TTC3: variants seen among roughly 807,000 people sequenced by gnomAD.
TTC3 encodes tetratricopeptide repeat domain 3.
A neutral mutation model predicts 249.6 loss-of-function variants in TTC3; 180 were observed. The observed-to-expected ratio is 0.72, with a 90% CI of 0.64 to 0.82. The LOEUF (loss-of-function observed/expected upper bound fraction) is 0.82. Among genes scored for constraint, TTC3 ranks in the 40% least tolerant of loss-of-function variants. The pLI, the probability that TTC3 is intolerant of heterozygous loss-of-function variation, is 0.00. For synonymous variants in TTC3, 717 were observed against 805.0 expected (o/e 0.89, Z 1.85); for missense variants, 2,061 against 2,398.4 (o/e 0.86, Z 2.94).
At position 37,091,327 on chromosome 21, in the gene TTC3, T is replaced by C. The variant is rs1228649624; in HGVS notation, c.515T>C (p.Ile172Thr). ...GCAATGGAAGAAGCTCTGAATTGGATAAAATATGCAGGCGATGTAACAATT... is the reference window on the plus strand; with the variant it reads ...GCAATGGAAGAAGCTCTGAATTGGACAAAATATGCAGGCGATGTAACAATT... Residue 172 changes from isoleucine (I) to threonine (T), a missense_variant, in exon 7 of 46, where the codon ATA becomes ACA. By Grantham distance (89) the Ile-to-Thr change is moderately conservative. Around this residue, in one of 3 missense-constraint regions of TTC3, gnomAD observed 989 missense variants for 1,145.1 expected, o/e 0.86. Coordinates refer to ENST00000355666, the Ensembl canonical transcript of TTC3. 8 of 1,611,848 alleles carry C rather than the reference T, an allele frequency of 5.0e-6. No homozygotes were observed. In the Admixed American group the frequency reaches 1.0e-4, roughly 20 times the overall value.
intron 10 of TTC3, 144 bp from the exon 11 acceptor site, chr21:37,108,239 TATAATGGAC>T (rs1298539451): frequency 4.4e-5 from 26 of 586,492 alleles, no homozygotes; most frequent in East Asian, 2.9e-4. Context: ...CCAAATTTCC[TATAATGGAC>T]ATATATTATA....
At chr21:37,179,934 T>C (rs189694437) in intron 35 of TTC3, among the ~76,000 whole-genome samples, 1 of 152,372 alleles carries the variant, frequency 6.6e-6, no homozygotes, top group African/African-American at 2.4e-5. Flanking sequence ...TTTCATGTTC[T>C]CTATCAGCCT....
chr21:37,191,519 C>G, intron 40 of TTC3, 95 bp downstream of exon 40: 1 of 664,018 alleles, frequency 1.5e-6, no homozygotes, highest in Non-Finnish European at 2.3e-6. Flanking sequence ...TCTTTTTTAT[C>G]TATTATTATC....
intron 1 of TTC3, among the ~76,000 whole-genome samples, chr21:37,078,045 A>AT (rs199875404): frequency 1.2e-4 from 18 of 150,140 alleles, no homozygotes; most frequent in Admixed American, 2.7e-4. Flanking sequence ...ATCCACATTG[A>AT]TTTTTTTTTT....
At chr21:37,167,455 G>T in intron 33 of TTC3, 100 bp from the exon 34 acceptor site, 2 of 828,676 alleles carry the variant, frequency 2.4e-6, no homozygotes, top group Non-Finnish European at 3.7e-6. Context: ...AAAAAAACTT[G>T]AAAAAATTGT....
intron 39 of TTC3, among the ~76,000 whole-genome samples, chr21:37,190,574 A>G (rs2083957325): frequency 6.6e-6 from 1 of 152,214 alleles, no homozygotes; most frequent in Admixed American, 6.5e-5. Flanking sequence ...AGCACCCACC[A>G]TAGGCTGCAT....
intron 34 of TTC3, among the ~76,000 whole-genome samples, chr21:37,171,610 T>C (rs1273566830): frequency 6.6e-6 from 1 of 152,208 alleles, no homozygotes; most frequent in Non-Finnish European, 1.5e-5. Flanking sequence ...TGGAGGTAAC[T>C]AAAGTCTTAA....
chr21:37,103,319 A>G (rs759134574), intron 10 of TTC3, among the ~76,000 whole-genome samples: 3 of 152,152 alleles, frequency 2.0e-5, no homozygotes, highest in Non-Finnish European at 4.4e-5. Flanking sequence ...TCTCTTTCTT[A>G]CTCTGTTTAA....
At position 37,151,607 on chromosome 21, in the gene TTC3, G is replaced by A. The variant is rs73902784; in HGVS notation, c.2277-286G>A. 6.5e-3 allele frequency among the ~76,000 whole-genome samples: 994 copies of A among 152,162 alleles called. 12 individuals carry two copies. The highest frequency in any genetic ancestry group is 0.022 in the African/African-American group (931 of 41,528). Reference sequence around the variant, plus strand: ...CATGAATTATTTTGCAGAGTAATTTGTACTATTTCTGTTTACCCTATGAAG... The same window carrying A: ...CATGAATTATTTTGCAGAGTAATTTATACTATTTCTGTTTACCCTATGAAG... On this transcript the variant is annotated intron_variant, in intron 25 of 45. Coordinates refer to ENST00000355666, the Ensembl canonical transcript of TTC3.
chr21:37,165,104 C>CA (rs1391343774), intron 32 of TTC3, among the ~76,000 whole-genome samples: 1 of 152,106 alleles, frequency 6.6e-6, no homozygotes, highest in Non-Finnish European at 1.5e-5. Flanking sequence ...TTCAGGCATC[C>CA]AAAAGTAAAG....
intron 10 of TTC3, chr21:37,099,049 G>C (rs2074223511): frequency 6.6e-6 from 1 of 152,154 alleles, no homozygotes; most frequent in South Asian, 2.1e-4. Context: ...AGCAAGAATT[G>C]AGATGTCCAA....
chr21:37,161,321 G>A (rs2080725159), intron 30 of TTC3, among the ~76,000 whole-genome samples: 1 of 152,080 alleles, frequency 6.6e-6, no homozygotes, highest in Non-Finnish European at 1.5e-5. Context: ...TCTCACCCAG[G>A]CTGGAGAGCA....
chr21:37,097,025 A>C (rs929774477), intron 10 of TTC3: 1 of 164,902 alleles, frequency 6.1e-6, no homozygotes, highest in Non-Finnish European at 1.3e-5. Context: ...TGTGGCACCT[A>C]TATTACCTCT....
intron 7 of TTC3, chr21:37,093,309 G>T (rs2073524003): frequency 6.6e-6 from 1 of 150,706 alleles, no homozygotes; most frequent in African/African-American, 2.4e-5. Context: ...AACCCGGGAG[G>T]CGGAGTTTGC....
chr21:37,083,292 G>A (rs1345429168), intron 1 of TTC3: 1 of 985,346 alleles, frequency 1.0e-6, no homozygotes, highest in African/African-American at 1.7e-5. Flanking sequence ...GCAGGAGCAA[G>A]ATCACAAAAG....
Position 37,145,579 on chromosome 21 carries a change from A to C in TTC3, c.1893+934A>C, listed in dbSNP as rs117399324. ...AAAATAGTCTGGCAGTTCCTCAAAC[A>C]GTTAAACATAGAGTTACCATGTCTC... On this transcript the variant is annotated intron_variant, in intron 21 of 45. Coordinates refer to ENST00000355666, the Ensembl canonical transcript of TTC3. Among the ~76,000 whole-genome samples, 169 of 152,360 alleles carry C rather than the reference A, an allele frequency of 1.1e-3. 4 individuals carry two copies. The East Asian group carries it at 0.03, about 27-fold the overall frequency.
rs2085622091 is a variant in TTC3, at chr21:37,202,943, C to CT, written c.*1370dup. The CT allele has an allele frequency of 2.0e-5, 3 of 152,160 alleles. No individual in the cohort carries two copies. In the South Asian group the frequency reaches 6.2e-4, roughly 32 times the overall value. The allele number at this position is 152,160 out of a possible 1,614,324, so 9.4% of individuals were successfully genotyped here. ...TCTGCATATCCATAAGAATTGAGCG[C>CT]TATGGGTGTTAACGTGCATGAGGAT... is the stretch of plus-strand genomic sequence containing the variant. On this transcript the variant is annotated 3_prime_UTR_variant, in exon 46 of 46. Transcript: ENST00000355666.
At chr21:37,142,799 G>C (rs1187107503) in intron 20 of TTC3, among the ~76,000 whole-genome samples, 1 of 152,140 alleles carries the variant, frequency 6.6e-6, no homozygotes, top group Non-Finnish European at 1.5e-5. Context: ...TCAATCCTAA[G>C]CCAAAAGAAT....
chr21:37,192,810 T>C (rs763284131), intron 41 of TTC3, among the ~76,000 whole-genome samples: 3 of 152,218 alleles, frequency 2.0e-5, no homozygotes, highest in Non-Finnish European at 4.4e-5. Context: ...TGAATAATCT[T>C]GTCTTTTTAT....
Sources: allele counts gnomAD v4.1 joint callset (sites outside exome capture counted in the v4.1 genomes callset), GRCh38; gene constraint gnomAD v4.1.1; regional missense constraint gnomAD v4.1.1; transcripts MANE v1.5; gene names NCBI Gene and HGNC (gene_info 2026-07-23, HGNC 2026-07-21).